Variants in DLGAP4 observed in about 807,000 individuals in gnomAD.
DLGAP4 encodes the protein DLG associated protein 4.
DLGAP4 carries 18 observed loss-of-function variants against 86.9 expected under a neutral mutation model. That is an observed-to-expected ratio of 0.21 (90% confidence interval 0.14 to 0.31). The LOEUF (loss-of-function observed/expected upper bound fraction) is 0.31. Among genes scored for constraint, DLGAP4 ranks in the 10% least tolerant of loss-of-function variants. DLGAP4 has a pLI of 1.00. For missense variants in DLGAP4, 1,085 were observed against 1,362.6 expected (o/e 0.80, Z 3.21); for synonymous variants, 548 against 574.3 (o/e 0.95, Z 0.65).
chr20:36,346,323 G>A (rs1412971449), intron 1 of DLGAP4, among the ~76,000 whole-genome samples: 1 of 152,226 alleles, frequency 6.6e-6, no homozygotes, highest in Non-Finnish European at 1.5e-5. Flanking sequence ...TGACCATGTG[G>A]GTGACATAGC....
chr20:36,508,433 T>TC (rs1176523480), intron 10 of DLGAP4, among the ~76,000 whole-genome samples: 1 of 146,744 alleles, frequency 6.8e-6, no homozygotes, highest in African/African-American at 2.5e-5. Flanking sequence ...TTTTTTTTTT[T>TC]TTTTTTTTTT....
At position 36,526,893 on chromosome 20, in the gene DLGAP4, C is replaced by T. The variant is rs776447912; in HGVS notation, c.2841C>T (p.Asp947=). 1.2e-5 allele frequency: 19 copies of T among 1,613,196 alleles called. No homozygotes were observed. The South Asian group carries it at 1.8e-4, about 15-fold the overall frequency. The change falls in exon 13 of 13, where the codon GAC becomes GAT. Residue 947 remains aspartate (D), a synonymous_variant. Coordinates refer to ENST00000339266, the MANE Select transcript of DLGAP4 (RefSeq NM_001365621.2). ...KPAVSRDKAS[D]ASDKQRQEAR... ...CAGTGAGCCGCGACAAGGCCTCAGA[C>T]GCCAGCGACAAGCAGCGCCAGGAGG...
At position 36,499,583 on chromosome 20, in the gene DLGAP4, A is replaced by G; in HGVS notation, c.2011-5A>G. ...GTGCCGTTGCTGTCGTTGTCCTTCA[A>G]TAAGGTTGACTGCATTCAGCCAGTG... On this transcript the variant is annotated splice_polypyrimidine_tract_variant and splice_region_variant and intron_variant, in intron 8 of 12. Transcript: ENST00000339266. 2 of 1,613,780 alleles carry G rather than the reference A, an allele frequency of 1.2e-6. No individual in the cohort carries two copies. The highest frequency in any genetic ancestry group is 1.1e-5 in the South Asian group (1 of 90,948).
At chr20:36,468,361 G>A (rs2034510998) in intron 7 of DLGAP4, among the ~76,000 whole-genome samples, 1 of 152,262 alleles carries the variant, frequency 6.6e-6, no homozygotes, top group African/African-American at 2.4e-5. Context: ...GGAGAGCCAA[G>A]TGACGGAGGC....
chr20:36,436,601 G>C (rs1343343834), intron 4 of DLGAP4, among the ~76,000 whole-genome samples: 1 of 152,168 alleles, frequency 6.6e-6, no homozygotes, highest in Non-Finnish European at 1.5e-5. Flanking sequence ...TGGATCACTT[G>C]AGGTCAGGAT....
chr20:36,344,059 G>A (rs1600416948), intron 1 of DLGAP4, among the ~76,000 whole-genome samples: 1 of 152,148 alleles, frequency 6.6e-6, no homozygotes, highest in Non-Finnish European at 1.5e-5. Flanking sequence ...AGTCTGTGCC[G>A]GGAGGTGGAA....
At chr20:36,378,729 C>T (rs777271236) in intron 2 of DLGAP4, among the ~76,000 whole-genome samples, 11 of 151,978 alleles carry the variant, frequency 7.2e-5, no homozygotes, top group Admixed American at 1.3e-4. Context: ...GAGGAAGGCC[C>T]GGCAAGGCCT....
chr20:36,319,760 A>G (rs2147343168), intron 1 of DLGAP4, among the ~76,000 whole-genome samples: 1 of 152,196 alleles, frequency 6.6e-6, no homozygotes, highest in East Asian at 1.9e-4. Context: ...AACTTCAAGG[A>G]GCTAAAGAGA....
intron 1 of DLGAP4, among the ~76,000 whole-genome samples, chr20:36,318,917 G>A (rs944409147): frequency 2.6e-5 from 4 of 152,106 alleles, no homozygotes; most frequent in South Asian, 4.2e-4. Flanking sequence ...AGGCCAAGGC[G>A]GGAGGATCAT....
chr20:36,337,007 C>G (rs782793894), intron 1 of DLGAP4, among the ~76,000 whole-genome samples: 1 of 152,122 alleles, frequency 6.6e-6, no homozygotes, highest in Non-Finnish European at 1.5e-5. Flanking sequence ...AAAGCAGATA[C>G]GGCGGAGGAA....
intron 2 of DLGAP4, among the ~76,000 whole-genome samples, chr20:36,390,672 T>C (rs1281542982): frequency 6.6e-6 from 1 of 152,150 alleles, no homozygotes; most frequent in Non-Finnish European, 1.5e-5. Context: ...GGGTCTGTGT[T>C]ACTGCAAGAG....
At chr20:36,442,593 A>C in intron 5 of DLGAP4, 134 bp from the exon 6 acceptor site, 18 of 895,056 alleles carry the variant, frequency 2.0e-5, no homozygotes, top group Non-Finnish European at 3.3e-5. Flanking sequence ...GAGACCTCCT[A>C]GCAGCTGTGT....
intron 2 of DLGAP4, among the ~76,000 whole-genome samples, chr20:36,386,485 G>A (rs1444051088): frequency 1.3e-5 from 2 of 151,582 alleles, no homozygotes; most frequent in Non-Finnish European, 2.9e-5. Flanking sequence ...GAGGGATGGG[G>A]GAGGGAGGGA....
chr20:36,339,722 T>G (rs1423755031), intron 1 of DLGAP4, among the ~76,000 whole-genome samples: 2 of 152,132 alleles, frequency 1.3e-5, no homozygotes, highest in African/African-American at 4.8e-5. Flanking sequence ...AGCAGGGGAA[T>G]GCGGGGCACA....
chr20:36,411,704 G>T (rs2032504081), intron 2 of DLGAP4, among the ~76,000 whole-genome samples: 1 of 152,102 alleles, frequency 6.6e-6, no homozygotes, highest in Non-Finnish European at 1.5e-5. Context: ...AGAGGGGCAG[G>T]GGGCATCAAG....
chr20:36,430,427 G>A (rs1407467121), intron 2 of DLGAP4, among the ~76,000 whole-genome samples: 1 of 152,128 alleles, frequency 6.6e-6, no homozygotes, highest in African/African-American at 2.4e-5. Flanking sequence ...TTTGCAGAGG[G>A]CTTCCATTTG....
chr20:36,453,847 C>T (rs1426103485), intron 7 of DLGAP4, among the ~76,000 whole-genome samples: 2 of 144,828 alleles, frequency 1.4e-5, no homozygotes, highest in Non-Finnish European at 3.0e-5. Context: ...GCAGAAGAAT[C>T]GCTTGAACCC....
At chr20:36,502,159 C>T (rs2036172917) in intron 10 of DLGAP4, among the ~76,000 whole-genome samples, 1 of 152,176 alleles carries the variant, frequency 6.6e-6, no homozygotes, top group Admixed American at 6.5e-5. Context: ...TTCTCCCACC[C>T]TCTGTGTACA....
At chr20:36,525,204 G>C (rs375346525) in intron 11 of DLGAP4, among the ~76,000 whole-genome samples, 2 of 95,458 alleles carry the variant, frequency 2.1e-5, no homozygotes, top group African/African-American at 8.8e-5. Flanking sequence ...GTGACAGAGC[G>C]AGACTCCGTC....
Sources: allele counts gnomAD v4.1 joint callset (sites outside exome capture counted in the v4.1 genomes callset), GRCh38; gene constraint gnomAD v4.1.1; transcripts MANE v1.5; gene names NCBI Gene and HGNC (gene_info 2026-07-23, HGNC 2026-07-21).